ADAMTS6: variants seen among roughly 807,000 people sequenced by gnomAD.
The protein encoded by ADAMTS6 is ADAM metallopeptidase with thrombospondin type 1 motif 6.
Under a neutral mutation model 144.3 loss-of-function variants are expected in ADAMTS6, and 23 were observed. The observed-to-expected ratio is 0.16, with a 90% CI of 0.11 to 0.23. The LOEUF (loss-of-function observed/expected upper bound fraction) is 0.23. Ranked by LOEUF, ADAMTS6 falls within the 10% of genes least tolerant of loss-of-function variation. The probability of loss-of-function intolerance (pLI) is 1.00; values close to 1 mark genes in which losing one functional copy is unlikely to be tolerated. For missense variants in ADAMTS6, 999 were observed against 1,379.6 expected, an observed-to-expected ratio of 0.72 and a Z score of 4.37; for synonymous variants, 444 against 457.5, an observed-to-expected ratio of 0.97 and a Z score of 0.38.
At chr5:65,189,709 G>T (rs556514036) in intron 21 of ADAMTS6, among the ~76,000 whole-genome samples, 1 of 152,210 alleles carries the variant, frequency 6.6e-6, no homozygotes, top group Non-Finnish European at 1.5e-5. Flanking sequence ...ATAGAAGAAA[G>T]TAAGATCCAG....
At chr5:65,213,655 TAATAA>T (rs1439009802) in intron 20 of ADAMTS6, among the ~76,000 whole-genome samples, 2 of 151,362 alleles carry the variant, frequency 1.3e-5, no homozygotes, top group East Asian at 3.9e-4. Context: ...AAGTAATAAG[TAATAA>T]AATAAAATAA....
intron 18 of ADAMTS6, among the ~76,000 whole-genome samples, chr5:65,218,570 C>T (rs1386936728): frequency 6.6e-6 from 1 of 151,844 alleles, no homozygotes; most frequent in Non-Finnish European, 1.5e-5. Flanking sequence ...TAAATATATG[C>T]AAGAACTTTA....
chr5:65,373,906 T>G (rs373045591), intron 7 of ADAMTS6, among the ~76,000 whole-genome samples: 1 of 152,092 alleles, frequency 6.6e-6, no homozygotes, highest in South Asian at 2.1e-4. Context: ...AAAGCTTATC[T>G]GCCATGATCA....
At chr5:65,442,855 G>C (rs576557223) in intron 7 of ADAMTS6, among the ~76,000 whole-genome samples, 6 of 152,042 alleles carry the variant, frequency 3.9e-5, no homozygotes, top group Non-Finnish European at 8.8e-5. Context: ...ACAGGCCCCA[G>C]TGTGTGTTGT....
chr5:65,174,395 C>T (rs1753830778), intron 22 of ADAMTS6, among the ~76,000 whole-genome samples: 1 of 152,222 alleles, frequency 6.6e-6, no homozygotes, highest in East Asian at 1.9e-4. Context: ...CCCTATGGGG[C>T]ACTCCAGCCA....
At chr5:65,473,127 T>G (rs889589772) in intron 2 of ADAMTS6, among the ~76,000 whole-genome samples, 1 of 152,166 alleles carries the variant, frequency 6.6e-6, no homozygotes, top group Non-Finnish European at 1.5e-5. Context: ...ACACTCAGAT[T>G]CTAGTCTTTA....
intron 18 of ADAMTS6, among the ~76,000 whole-genome samples, chr5:65,221,055 G>A (rs1251026004): frequency 6.6e-6 from 1 of 152,038 alleles, no homozygotes; most frequent in Non-Finnish European, 1.5e-5. Flanking sequence ...ATTCTAGATA[G>A]CTTCACAGTT....
rs374624310 is a variant in ADAMTS6, at chr5:65,435,293, T to C, written c.1073+16182A>G. 1.1e-4 allele frequency among the ~76,000 whole-genome samples: 17 copies of C among 152,290 alleles called. No homozygotes were observed. The East Asian group carries it at 1.9e-3, about 17-fold the overall frequency. On this transcript the variant is annotated intron_variant, in intron 7 of 24. Transcript: ENST00000381055. ...GATACATACAAATTCAGGATAGTGG[T>C]TACCTCAAAGCAAGGAATTAGGGGG...
intron 18 of ADAMTS6, among the ~76,000 whole-genome samples, chr5:65,223,669 T>A (rs1757493607): frequency 6.6e-6 from 1 of 152,232 alleles, no homozygotes; most frequent in Non-Finnish European, 1.5e-5. Flanking sequence ...AATAATATTC[T>A]ATTGCATACA....
At chr5:65,235,265 C>G (rs941903868) in intron 15 of ADAMTS6, among the ~76,000 whole-genome samples, 1 of 152,168 alleles carries the variant, frequency 6.6e-6, no homozygotes, top group Non-Finnish European at 1.5e-5. Context: ...CATTAATTAG[C>G]TTGATTATGG....
intron 8 of ADAMTS6, 23 bp downstream of exon 8, chr5:65,334,019 A>T: frequency 7.3e-7 from 1 of 1,361,522 alleles, no homozygotes; most frequent in Non-Finnish European, 9.5e-7. Flanking sequence ...AAAAAAAAAA[A>T]AAAAAAACCA....
intron 10 of ADAMTS6, among the ~76,000 whole-genome samples, chr5:65,298,175 A>G (rs530200183): frequency 6.6e-6 from 1 of 152,290 alleles, no homozygotes; most frequent in East Asian, 1.9e-4. Flanking sequence ...CAAGTAGACA[A>G]GATCTGGTAG....
intron 10 of ADAMTS6, among the ~76,000 whole-genome samples, chr5:65,292,895 T>C (rs1047087701): frequency 3.2e-4 from 49 of 152,220 alleles, no homozygotes; most frequent in African/African-American, 1.2e-3. Flanking sequence ...AGCTATCCAG[T>C]TTTCATAACA....
At chr5:65,249,406 T>C (rs1043118725) in intron 14 of ADAMTS6, among the ~76,000 whole-genome samples, 3 of 152,278 alleles carry the variant, frequency 2.0e-5, no homozygotes, top group East Asian at 1.9e-4. Context: ...AGGAGTGTAC[T>C]GCATATGTGG....
chr5:65,271,947 TA>T lies in ADAMTS6; in HGVS notation c.1620+1392del, dbSNP rs200982952. ...TTTTTATTGGCTACTTACAATATCT[TA>T]AAAAAAAAGATTCTAAATCCTTTTT... is the stretch of plus-strand genomic sequence containing the variant. On this transcript the variant is annotated intron_variant, in intron 12 of 24. Transcript: ENST00000381055. Among the ~76,000 whole-genome samples, 857 of 151,600 alleles carry T rather than the reference TA, an allele frequency of 5.7e-3. 10 individuals carry two copies. Among genetic ancestry groups the T allele is most frequent in the African/African-American group, 0.019 (803 of 41,360 alleles).
At chr5:65,246,833 G>A (rs1419487205) in intron 14 of ADAMTS6, among the ~76,000 whole-genome samples, 2 of 152,062 alleles carry the variant, frequency 1.3e-5, no homozygotes, top group Non-Finnish European at 2.9e-5. Context: ...GGAATGCTCT[G>A]AATTTGCGTT....
chr5:65,168,426 G>A (rs1398279089), intron 24 of ADAMTS6, among the ~76,000 whole-genome samples: 1 of 148,126 alleles, frequency 6.8e-6, no homozygotes, highest in African/African-American at 2.5e-5. Flanking sequence ...TCATGGATAG[G>A]AAGAATCAAT....
intron 14 of ADAMTS6, among the ~76,000 whole-genome samples, chr5:65,247,805 C>T (rs1380791746): frequency 1.3e-5 from 2 of 152,124 alleles, no homozygotes; most frequent in African/African-American, 4.8e-5. Context: ...TCCTTTTGCA[C>T]CTTCTGCTTC....
chr5:65,282,515 G>GT (rs1763060582), intron 11 of ADAMTS6, among the ~76,000 whole-genome samples: 1 of 152,088 alleles, frequency 6.6e-6, no homozygotes, highest in Admixed American at 6.6e-5. Context: ...AAAAGACCTG[G>GT]AAAGGGAAGG....
Sources: allele counts gnomAD v4.1 joint callset (sites outside exome capture counted in the v4.1 genomes callset), GRCh38; gene constraint gnomAD v4.1.1; transcripts MANE v1.5; gene names NCBI Gene and HGNC (gene_info 2026-07-23, HGNC 2026-07-21).